GLP1R: variants seen among roughly 807,000 people sequenced by gnomAD.
GLP1R encodes glucagon like peptide 1 receptor, also known as glucagon-like peptide 1 receptor.
A neutral mutation model predicts 68.4 loss-of-function variants in GLP1R; 32 were observed. The observed-to-expected ratio is 0.47, with a 90% CI of 0.35 to 0.63. The LOEUF (loss-of-function observed/expected upper bound fraction) is 0.63. GLP1R is among the 20% of genes least tolerant of loss of function. The pLI, the probability that GLP1R is intolerant of heterozygous loss-of-function variation, is 0.00. For missense variants in GLP1R, 502 were observed against 594.9 expected (o/e 0.84, Z 1.62); for synonymous variants, 263 against 244.4 (o/e 1.08, Z -0.71).
chr6:39,056,949 T>C (rs1768228440), intron 2 of GLP1R, among the ~76,000 whole-genome samples: 1 of 152,184 alleles, frequency 6.6e-6, no homozygotes, highest in East Asian at 1.9e-4. Flanking sequence ...ACAAACATAT[T>C]TATAGGAATA....
chr6:39,066,334 G>T (rs199510320), intron 5 of GLP1R, 31 bp downstream of exon 5: 2 of 1,209,804 alleles, frequency 1.7e-6, no homozygotes, highest in Non-Finnish European at 2.5e-6. Flanking sequence ...GGAGGGGGCT[G>T]CTTCATCCTA....
chr6:39,062,048 G>A (rs76997658), intron 3 of GLP1R, among the ~76,000 whole-genome samples: 2,281 of 152,286 alleles, frequency 0.015, 57 homozygotes, highest in African/African-American at 0.052. Flanking sequence ...TCGTTGCCAG[G>A]GTGCAGGAGC....
rs1450291679 is a variant in GLP1R, at chr6:39,086,930, TG to T, written c.*858del. On this transcript the variant is annotated 3_prime_UTR_variant, in exon 13 of 13. Transcript: ENST00000373256. The surrounding 1 kb of genome is among the most constrained non-coding windows in gnomAD (Gnocchi z 4.5). ...ACGTTAGGAATGTCCAGACTGTGGGTGTAGATTACCTGCCACTTCCAGGAGC... is the reference window on the plus strand; with the variant it reads ...ACGTTAGGAATGTCCAGACTGTGGGTTAGATTACCTGCCACTTCCAGGAGC... 1 of 152,456 alleles carries T rather than the reference TG, an allele frequency of 6.6e-6. No homozygotes were observed. Among genetic ancestry groups the T allele is most frequent in the Non-Finnish European group, 1.5e-5 (1 of 68,038 alleles). The allele number at this position is 152,456 out of a possible 1,614,324, so 9.4% of individuals were successfully genotyped here. A position where few individuals can be genotyped will look rare whatever the true frequency, so the allele number is the denominator to read the frequency against.
Position 39,049,062 on chromosome 6 carries a change from G to A in GLP1R, c.78+144G>A. ...CATCCGAAAGCCTCGGGGGGAGTAG[G>A]GACTGGAGACTTGGTGCCCCTGGGC... is the stretch of plus-strand genomic sequence containing the variant. On this transcript the variant is annotated intron_variant, in intron 1 of 12. Transcript: ENST00000373256. This position sits in a 1 kb window ranked among gnomAD's most constrained non-coding sequence, Gnocchi z 4.5. 1 of 475,202 alleles carries A rather than the reference G, an allele frequency of 2.1e-6. No individual in the cohort carries two copies. The allele number at this position is 475,202 out of a possible 1,614,324, so 29.4% of individuals were successfully genotyped here. A position where few individuals can be genotyped will look rare whatever the true frequency, so the allele number is the denominator to read the frequency against.
chr6:39,058,788 G>A (rs1463819532), intron 3 of GLP1R, among the ~76,000 whole-genome samples: 1 of 152,208 alleles, frequency 6.6e-6, no homozygotes, highest in African/African-American at 2.4e-5. Context: ...CTGTACAGAT[G>A]AGGAAACTGA....
chr6:39,056,667 C>G (rs891060534), intron 2 of GLP1R, among the ~76,000 whole-genome samples, 174 bp downstream of exon 2: 1 of 152,378 alleles, frequency 6.6e-6, no homozygotes, highest in Non-Finnish European at 1.5e-5. Context: ...ACCTTCCTTT[C>G]TGCCGACCAA....
chr6:39,079,436 A>C lies in GLP1R; in HGVS notation c.1044-128A>C. 1 of 990,836 alleles carries C rather than the reference A, an allele frequency of 1.0e-6. No homozygotes were observed. The highest frequency in any genetic ancestry group is 1.5e-6 in the Non-Finnish European group (1 of 671,798). 61.4% of individuals were successfully genotyped at this position (990,836 alleles called of 1,614,324 possible). On this transcript the variant is annotated intron_variant, in intron 10 of 12. Coordinates refer to ENST00000373256, the MANE Select transcript of GLP1R (RefSeq NM_002062.5). This position sits in a 1 kb window ranked among gnomAD's most constrained non-coding sequence, Gnocchi z 4.5. ...CCCTCCAGGCAGCCTGTCCCAGGGT[A>C]TTTGGGGTGGGAGAACATCCATGAC...
At chr6:39,063,191 G>T (rs1768392351) in intron 3 of GLP1R, among the ~76,000 whole-genome samples, 1 of 152,108 alleles carries the variant, frequency 6.6e-6, no homozygotes, top group South Asian at 2.1e-4. Context: ...GCTAGTGCAG[G>T]CTCTGACACC....
rs969857406 is a variant in GLP1R, at chr6:39,079,280, T to C, written c.1043+80T>C. On this transcript the variant is annotated intron_variant, in intron 10 of 12. Coordinates refer to ENST00000373256, the MANE Select transcript of GLP1R (RefSeq NM_002062.5). The surrounding 1 kb of genome is among the most constrained non-coding windows in gnomAD (Gnocchi z 4.5). ...CTAGCAGAGAGAGAGAGAGAGATCC[T>C]GGGATGCTTAGCTTAGAGCCCTACA... 4.7e-6 allele frequency: 5 copies of C among 1,067,888 alleles called. No homozygotes were observed. The highest frequency in any genetic ancestry group is 7.3e-6 in the Non-Finnish European group (5 of 685,612). 66.2% of individuals were successfully genotyped at this position (1,067,888 alleles called of 1,614,324 possible).
chr6:39,051,678 G>A (rs568743254), intron 1 of GLP1R, among the ~76,000 whole-genome samples: 2 of 152,204 alleles, frequency 1.3e-5, no homozygotes. Flanking sequence ...CAGAGATACA[G>A]ACAGGTAGTC....
chr6:39,084,035 C>G (rs992060621), intron 12 of GLP1R, among the ~76,000 whole-genome samples: 1 of 152,060 alleles, frequency 6.6e-6, no homozygotes, highest in Non-Finnish European at 1.5e-5. Flanking sequence ...TCCCAGCCCT[C>G]GAGGTGCTCC....
chr6:39,062,107 G>A (rs1360118952), intron 3 of GLP1R, among the ~76,000 whole-genome samples: 2 of 152,220 alleles, frequency 1.3e-5, no homozygotes, highest in Non-Finnish European at 2.9e-5. Flanking sequence ...CAGCATCCAC[G>A]TGGAAGGGCG....
At position 39,089,683 on chromosome 6, in the gene GLP1R, G is replaced by A. The variant is rs1324454885; in HGVS notation, c.*3610G>A. 1.3e-5 allele frequency among the ~76,000 whole-genome samples: 2 copies of A among 152,098 alleles called. No individual in the cohort carries two copies. The highest frequency in any genetic ancestry group is 4.8e-5 in the African/African-American group (2 of 41,390). ...TCTGTGCATAGCAGCATAAAGTTAG[G>A]AGATGATGACTCCAGAATCATCACA... On this transcript the variant is annotated 3_prime_UTR_variant, in exon 13 of 13. Transcript: ENST00000373256. The surrounding 1 kb of genome is among the most constrained non-coding windows in gnomAD (Gnocchi z 4.1).
At position 39,079,713 on chromosome 6, in the gene GLP1R, G is replaced by A. The variant is rs1367070893; in HGVS notation, c.1182+11G>A. 4 of 1,610,750 alleles carry A rather than the reference G, an allele frequency of 2.5e-6. No homozygotes were observed. The highest frequency in any genetic ancestry group is 2.2e-5 in the East Asian group (1 of 44,810). On this transcript the variant is annotated intron_variant, in intron 11 of 12. Transcript: ENST00000373256. The surrounding 1 kb of genome is among the most constrained non-coding windows in gnomAD (Gnocchi z 4.5). ...TTCACCTCCTTCCAGGTGACTTCATGCTTGGGGACACTTGCTTGTAAAGTC... is the reference window on the plus strand; with the variant it reads ...TTCACCTCCTTCCAGGTGACTTCATACTTGGGGACACTTGCTTGTAAAGTC...
Position 39,065,830 on chromosome 6 carries a change from G to A in GLP1R, c.402+1G>A. 3.2e-6 allele frequency: 5 copies of A among 1,556,350 alleles called. No individual in the cohort carries two copies. The highest frequency in any genetic ancestry group is 4.4e-6 in the Non-Finnish European group (5 of 1,129,534). On this transcript the variant is annotated splice_donor_variant, in intron 4 of 12. Transcript: ENST00000373256. LOFTEE classifies it high-confidence loss of function. ...CGAGGAGTCCAAGCGAGGGGAAAGA[G>A]TGAGTTGAGGCGGGGTTCTGAGCCA...
chr6:39,066,591 A>G (rs551132512), intron 5 of GLP1R, among the ~76,000 whole-genome samples: 69 of 152,346 alleles, frequency 4.5e-4, no homozygotes, highest in Non-Finnish European at 7.6e-4. Flanking sequence ...CGGTGATGGG[A>G]TTACGGAAAA....
At chr6:39,085,127 A>G (rs531891549) in intron 12 of GLP1R, among the ~76,000 whole-genome samples, 1 of 152,192 alleles carries the variant, frequency 6.6e-6, no homozygotes, top group East Asian at 1.9e-4. Context: ...CAGCATTGCC[A>G]CAAACCCTCA....
chr6:39,059,016 GGC>G (rs2150823276), intron 3 of GLP1R, among the ~76,000 whole-genome samples: 1 of 152,326 alleles, frequency 6.6e-6, no homozygotes, highest in East Asian at 1.9e-4. Flanking sequence ...GCTTCACCTT[GGC>G]ACGTGGGACT....
chr6:39,064,387 C>A (rs1473822989), intron 3 of GLP1R, among the ~76,000 whole-genome samples: 4 of 152,176 alleles, frequency 2.6e-5, no homozygotes, highest in Non-Finnish European at 4.4e-5. Context: ...CTTCTCCATT[C>A]TCTGGCCTTC....
Sources: gnomAD v4.1 joint callset for allele counts (sites outside exome capture counted in the v4.1 genomes callset) on GRCh38, gnomAD v4.1.1 for gene constraint, Gnocchi (gnomAD v3.1) non-coding constraint, MANE v1.5 for transcripts, NCBI Gene and HGNC (gene_info 2026-07-23, HGNC 2026-07-21) for gene names.